Variants in CSMD2 observed in about 807,000 individuals in gnomAD.
The protein encoded by CSMD2 is CUB and sushi domain-containing protein 2.
In CSMD2, 130 loss-of-function variants were observed where a neutral mutation model predicts 398.5. The ratio of observed to expected loss-of-function variants is 0.33; its 90% confidence interval spans 0.28 to 0.38. CSMD2 has a LOEUF of 0.38. CSMD2 is among the 10% of genes least tolerant of loss of function. The probability of loss-of-function intolerance (pLI) is 1.00; values close to 1 mark genes in which losing one functional copy is unlikely to be tolerated. For synonymous variants in CSMD2, 1,828 were observed against 1,908.5 expected, an observed-to-expected ratio of 0.96 and a Z score of 1.10; for missense variants, 3,829 against 4,764.9, an observed-to-expected ratio of 0.80 and a Z score of 5.78.
chr1:33,722,343 C>T (rs991461385), intron 19 of CSMD2, among the ~76,000 whole-genome samples: 17 of 152,270 alleles, frequency 1.1e-4, no homozygotes, highest in African/African-American at 3.4e-4. Context: ...AATATATTTT[C>T]GAGACTTTTG....
intron 3 of CSMD2, among the ~76,000 whole-genome samples, chr1:33,963,515 T>C (rs537248053): frequency 6.6e-6 from 1 of 152,334 alleles, no homozygotes; most frequent in Admixed American, 6.5e-5. Context: ...AAGGTATCAA[T>C]CATTCCCGAG....
At chr1:33,812,227 G>A (rs1452069381) in intron 9 of CSMD2, among the ~76,000 whole-genome samples, 1 of 152,218 alleles carries the variant, frequency 6.6e-6, no homozygotes, top group Non-Finnish European at 1.5e-5. Flanking sequence ...GCCACAGCAA[G>A]TGGAGGGAGC....
At chr1:33,549,357 C>A (rs1203474184) in intron 56 of CSMD2, among the ~76,000 whole-genome samples, 1 of 152,196 alleles carries the variant, frequency 6.6e-6, no homozygotes, top group African/African-American at 2.4e-5. Context: ...CTCTTGCAGG[C>A]AACATGGAAT....
intron 12 of CSMD2, among the ~76,000 whole-genome samples, 153 bp downstream of exon 12, chr1:33,788,447 G>T (rs192110995): frequency 6.7e-6 from 1 of 149,134 alleles, no homozygotes; most frequent in Non-Finnish European, 1.5e-5. Flanking sequence ...GGCGGAGGCT[G>T]TAGTGAGCTA....
intron 13 of CSMD2, among the ~76,000 whole-genome samples, chr1:33,754,900 G>A (rs988286455): frequency 2.0e-5 from 3 of 152,078 alleles, no homozygotes; most frequent in Non-Finnish European, 4.4e-5. Context: ...AGTGTTGCCT[G>A]TGAGGTAGGA....
At chr1:33,610,671 G>T (rs1640935514) in intron 41 of CSMD2, among the ~76,000 whole-genome samples, 1 of 152,216 alleles carries the variant, frequency 6.6e-6, no homozygotes, top group African/African-American at 2.4e-5. Flanking sequence ...AATTGGGCTT[G>T]ATGTGCAGGG....
At chr1:33,963,154 C>T (rs1327370327) in intron 3 of CSMD2, among the ~76,000 whole-genome samples, 1 of 152,238 alleles carries the variant, frequency 6.6e-6, no homozygotes, top group Non-Finnish European at 1.5e-5. Context: ...CCCAGCCACA[C>T]CATTCTCCTC....
chr1:34,032,235 A>G (rs1186183758), intron 3 of CSMD2, among the ~76,000 whole-genome samples: 1 of 152,128 alleles, frequency 6.6e-6, no homozygotes, highest in Non-Finnish European at 1.5e-5. Flanking sequence ...CTTAGGGTTT[A>G]TATGTCTTTT....
rs371186882 is a variant in CSMD2, at chr1:33,533,912, G to A, written c.9880-5C>T. The A allele has an allele frequency of 4.2e-5, 67 of 1,596,256 alleles. No homozygotes were observed. Among genetic ancestry groups the A allele is most frequent in the Non-Finnish European group, 5.1e-5 (59 of 1,164,016 alleles). ...GAAGAGGACTGTGCTTCCAACCTGCGGCAAGATACAAAGTCCCATCAGCCC... is the reference window on the plus strand; with the variant it reads ...GAAGAGGACTGTGCTTCCAACCTGCAGCAAGATACAAAGTCCCATCAGCCC... On this transcript the variant is annotated splice_region_variant and splice_polypyrimidine_tract_variant and intron_variant, in intron 62 of 70. Transcript: ENST00000373381. This position sits in a 1 kb window ranked among gnomAD's most constrained non-coding sequence, Gnocchi z 4.2.
At chr1:33,815,901 G>A (rs141579943) in intron 9 of CSMD2, among the ~76,000 whole-genome samples, 1 of 152,208 alleles carries the variant, frequency 6.6e-6, no homozygotes, top group African/African-American at 2.4e-5. Flanking sequence ...GGAGAAGAGA[G>A]GAAAGAAGAG....
At position 34,161,220 on chromosome 1, in the gene CSMD2, A is replaced by T. The variant is rs575950255; in HGVS notation, c.187+3691T>A. ...AAAGAAGCTAATAAGATTGCTCTGG[A>T]AGGGAAATATCTAAGTGAAGATGTC... On this transcript the variant is annotated intron_variant, in intron 1 of 70. Transcript: ENST00000373381. Among the ~76,000 whole-genome samples, 3 of 152,336 alleles carry T rather than the reference A, an allele frequency of 2.0e-5. No homozygotes were observed. The South Asian group carries it at 6.2e-4, about 32-fold the overall frequency.
chr1:34,062,986 C>A (rs2576004), intron 2 of CSMD2, among the ~76,000 whole-genome samples: 1 of 151,930 alleles, frequency 6.6e-6, no homozygotes, highest in African/African-American at 2.4e-5. Flanking sequence ...TCTTACATGG[C>A]GGCAACAAGA....
At chr1:33,772,394 C>T in intron 13 of CSMD2, 175 bp downstream of exon 13, 1 of 587,248 alleles carries the variant, frequency 1.7e-6, no homozygotes, top group Non-Finnish European at 3.0e-6. Flanking sequence ...GTCGACATTC[C>T]TGCCAGAAAT....
intron 53 of CSMD2, among the ~76,000 whole-genome samples, chr1:33,561,854 G>A (rs563279050): frequency 2.0e-4 from 30 of 152,310 alleles, no homozygotes; most frequent in South Asian, 1.7e-3. Flanking sequence ...AAGGCACTGG[G>A]TGTTTGCAGC....
Position 33,633,398 on chromosome 1 carries a change from CCA to C in CSMD2, c.5200+22_5200+23del. 1 of 1,523,734 alleles carries C rather than the reference CCA, an allele frequency of 6.6e-7. No homozygotes were observed. Among genetic ancestry groups the C allele is most frequent in the South Asian group, 1.2e-5 (1 of 83,448 alleles). 94.4% of individuals were successfully genotyped at this position (1,523,734 alleles called of 1,614,324 possible). ...TGATGCCCCCGGCCCACAACCATCC[CCA>C]CACTGGCCGAGCCCCGGATACCTGT... On this transcript the variant is annotated intron_variant, in intron 32 of 70. Coordinates refer to ENST00000373381, the MANE Select transcript of CSMD2 (RefSeq NM_001281956.2). This position sits in a 1 kb window ranked among gnomAD's most constrained non-coding sequence, Gnocchi z 5.0.
At chr1:33,714,871 G>A (rs1234189339) in intron 20 of CSMD2, 96 bp from the exon 21 acceptor site, 1 of 1,228,660 alleles carries the variant, frequency 8.1e-7, no homozygotes, top group Non-Finnish European at 1.2e-6. Context: ...GGGGGAAAGG[G>A]CCAGGGACAA....
chr1:33,739,245 A>G lies in CSMD2; in HGVS notation c.2263T>C (p.Phe755Leu), dbSNP rs768409341. The change falls in exon 15 of 71, where the codon TTC becomes CTC. Residue 755 changes from phenylalanine to leucine, a missense_variant. This residue lies in a region of CSMD2 where 2,001 missense variants were observed against 2,567.1 expected (regional missense o/e 0.78). Transcript: ENST00000373381. Reference protein sequence around the residue: ...DSLQLGSSISFLCDEGFLGTQ... With the variant: ...DSLQLGSSISLLCDEGFLGTQ... ...CCAAGGAAGCCTTCATCACAGAGGA[A>G]GGAGATGGAGCTGCCCAGCTGGAGG... 1.2e-6 allele frequency: 2 copies of G among 1,614,186 alleles called. No individual in the cohort carries two copies. Among genetic ancestry groups the G allele is most frequent in the South Asian group, 2.2e-5 (2 of 91,082 alleles).
At chr1:33,610,579 C>A (rs979462137) in intron 41 of CSMD2, among the ~76,000 whole-genome samples, 2 of 152,188 alleles carry the variant, frequency 1.3e-5, no homozygotes, top group African/African-American at 4.8e-5. Flanking sequence ...GGAAAACCTG[C>A]TCCTTGTGCA....
chr1:33,600,888 C>A lies in CSMD2; in HGVS notation c.6833G>T (p.Gly2278Val), dbSNP rs755952714. The change falls in exon 44 of 71, where the codon GGG becomes GTG. Residue 2278 changes from glycine (G) to valine (V), a missense_variant. Physicochemically the swap from Gly to Val is moderately radical, Grantham distance 109. Transcript: ENST00000373381. ...ACCGGAGAAAGCTATGGCGAAGATC[C>A]CCCCTGTGGCTGCATCACGGTGGAA... ...LKFHRDAATGGIFAIAFSAYP... is the reference protein window; with the variant it reads ...LKFHRDAATGVIFAIAFSAYP... The A allele has an allele frequency of 1.2e-6, 2 of 1,614,122 alleles. No homozygotes were observed. The highest frequency in any genetic ancestry group is 8.5e-7 in the Non-Finnish European group (1 of 1,180,012).
Sources: gnomAD v4.1 joint callset for allele counts (sites outside exome capture counted in the v4.1 genomes callset) on GRCh38, gnomAD v4.1.1 for gene constraint, gnomAD v4.1.1 regional missense constraint, Gnocchi (gnomAD v3.1) non-coding constraint, MANE v1.5 for transcripts, NCBI Gene and HGNC (gene_info 2026-07-23, HGNC 2026-07-21) for gene names.